Variants in SSBP3 observed in about 807,000 individuals in gnomAD.
The protein encoded by SSBP3 is single stranded DNA binding protein 3.
SSBP3 carries 5 observed loss-of-function variants against 69.6 expected under a neutral mutation model. The ratio of observed to expected loss-of-function variants is 0.07; its 90% confidence interval spans 0.04 to 0.15. The LOEUF is 0.15. Among genes scored for constraint, SSBP3 ranks in the 10% least tolerant of loss-of-function variants. The pLI is 1.00. For synonymous variants in SSBP3, 196 were observed against 193.4 expected (o/e 1.01, Z -0.11); for missense variants, 312 against 534.0 (o/e 0.58, Z 4.10).
intron 4 of SSBP3, among the ~76,000 whole-genome samples, chr1:54,320,440 C>G (rs1292339145): frequency 6.6e-6 from 1 of 152,110 alleles, no homozygotes; most frequent in African/African-American, 2.4e-5. Context: ...CCCTCAGCCT[C>G]CCGAGTAGAT....
intron 14 of SSBP3, 165 bp downstream of exon 14, chr1:54,238,964 G>A: frequency 5.3e-6 from 2 of 379,386 alleles, no homozygotes; most frequent in South Asian, 4.2e-5. Context: ...CCCATGAAAT[G>A]GGAACTGAGT....
chr1:54,243,821 T>G (rs1570241655), intron 9 of SSBP3, among the ~76,000 whole-genome samples: 1 of 152,340 alleles, frequency 6.6e-6, no homozygotes, highest in East Asian at 1.9e-4. Context: ...GTGGTAGTCC[T>G]ACCCCACCCA....
Position 54,257,940 on chromosome 1 carries a change from T to A in SSBP3, c.447+129A>T. The A allele has an allele frequency of 9.4e-6, 8 of 849,654 alleles. No individual in the cohort carries two copies. In the South Asian group the frequency reaches 9.7e-5, roughly 10 times the overall value. The allele number at this position is 849,654 out of a possible 1,614,324, so 52.6% of individuals were successfully genotyped here. A position where few individuals can be genotyped will look rare whatever the true frequency, so the allele number is the denominator to read the frequency against. ...TAGAAAAAAGAAATTTCTAAAAAAATTTAATTTGTCAATAAAGACTCGCAG... is the reference window on the plus strand; with the variant it reads ...TAGAAAAAAGAAATTTCTAAAAAAAATTAATTTGTCAATAAAGACTCGCAG... On this transcript the variant is annotated intron_variant, in intron 6 of 17. Coordinates refer to ENST00000610401, the Ensembl canonical transcript of SSBP3.
rs369594928 is a variant in SSBP3, at chr1:54,377,980, CGT to C, written c.276+23879_276+23880del. Reference sequence around the variant, plus strand: ...AAAATACTTCCAGCAATAATGAAGCCGTGCCGATTCACCACAATTCTGCTCGG... The same window carrying C: ...AAAATACTTCCAGCAATAATGAAGCCGCCGATTCACCACAATTCTGCTCGG... On this transcript the variant is annotated intron_variant, in intron 4 of 17. Coordinates refer to ENST00000610401, the Ensembl canonical transcript of SSBP3. 1.7e-4 allele frequency among the ~76,000 whole-genome samples: 26 copies of C among 152,090 alleles called. No homozygotes were observed. In the East Asian group the frequency reaches 5.0e-3, roughly 29 times the overall value.
chr1:54,353,288 G>T (rs1320249184), intron 4 of SSBP3, among the ~76,000 whole-genome samples: 1 of 152,170 alleles, frequency 6.6e-6, no homozygotes, highest in African/African-American at 2.4e-5. Flanking sequence ...GGCCCATTGC[G>T]AGGGGAAAAA....
chr1:54,353,971 T>G lies in SSBP3; in HGVS notation c.276+47890A>C, dbSNP rs1161246550. ...GCACAGAGGGGACTGACTCCCCAAATCATACAGGGACTAGAAACCGAACTG... is the reference window on the plus strand; with the variant it reads ...GCACAGAGGGGACTGACTCCCCAAAGCATACAGGGACTAGAAACCGAACTG... On this transcript the variant is annotated intron_variant, in intron 4 of 17. Transcript: ENST00000610401. Among the ~76,000 whole-genome samples the G allele has an allele frequency of 2.6e-5, 4 of 152,022 alleles. No individual in the cohort carries two copies. The East Asian group carries it at 7.7e-4, about 29-fold the overall frequency.
chr1:54,354,571 T>G lies in SSBP3; in HGVS notation c.276+47290A>C, dbSNP rs969031521. Among the ~76,000 whole-genome samples, 4 of 152,082 alleles carry G rather than the reference T, an allele frequency of 2.6e-5. No individual in the cohort carries two copies. The East Asian group carries it at 7.7e-4, about 29-fold the overall frequency. ...GGAGCAAGGAACTTCCACAAAGACC[T>G]GCTGGGCCTCTAACACACAGACCTC... On this transcript the variant is annotated intron_variant, in intron 4 of 17. Transcript: ENST00000610401.
chr1:54,250,644 C>T (rs982839737), intron 9 of SSBP3, among the ~76,000 whole-genome samples: 1 of 152,178 alleles, frequency 6.6e-6, no homozygotes, highest in African/African-American at 2.4e-5. Context: ...GTGCAGCAGA[C>T]TCCAGGCAGA....
intron 5 of SSBP3, among the ~76,000 whole-genome samples, chr1:54,263,266 G>A (rs1443502209): frequency 6.6e-6 from 1 of 152,228 alleles, no homozygotes; most frequent in Non-Finnish European, 1.5e-5. Context: ...AGCATCAGCA[G>A]GACCCCCAGC....
At position 54,238,128 on chromosome 1, in the gene SSBP3, C is replaced by T. The variant is rs41294794; in HGVS notation, c.927+1001G>A. On this transcript the variant is annotated intron_variant, in intron 14 of 17. Coordinates refer to ENST00000610401, the Ensembl canonical transcript of SSBP3. ...GTCACACCAGTGAGGACCCTGGCAACGGAGGCAGGCCAGAAACCATCCCTC... is the reference window on the plus strand; with the variant it reads ...GTCACACCAGTGAGGACCCTGGCAATGGAGGCAGGCCAGAAACCATCCCTC... 8.6e-3 allele frequency: 4,066 copies of T among 470,546 alleles called. 42 individuals carry two copies. Among genetic ancestry groups the T allele is most frequent in the African/African-American group, 0.031 (1,556 of 50,168 alleles). 29.1% of individuals were successfully genotyped at this position (470,546 alleles called of 1,614,324 possible).
At chr1:54,309,963 T>A (rs574537273) in intron 4 of SSBP3, among the ~76,000 whole-genome samples, 122 of 152,070 alleles carry the variant, frequency 8.0e-4, no homozygotes, top group Non-Finnish European at 1.5e-3. Flanking sequence ...AGCACAAATC[T>A]CAAAACAAAA....
At chr1:54,240,421 G>A (rs1557449735) in intron 13 of SSBP3, among the ~76,000 whole-genome samples, 1 of 134,732 alleles carries the variant, frequency 7.4e-6, no homozygotes, top group Admixed American at 8.6e-5. Context: ...TTACGCCATT[G>A]CACTCCAGCC....
chr1:54,336,508 T>C (rs1453207444), intron 4 of SSBP3, among the ~76,000 whole-genome samples: 1 of 151,500 alleles, frequency 6.6e-6, no homozygotes, highest in African/African-American at 2.4e-5. Flanking sequence ...GTCCAGAGCC[T>C]CCCAAGCCCA....
chr1:54,402,918 A>T (rs541522129), intron 3 of SSBP3, among the ~76,000 whole-genome samples: 21 of 152,342 alleles, frequency 1.4e-4, no homozygotes, highest in African/African-American at 5.1e-4. Flanking sequence ...CTTAAAGGGT[A>T]AAGTGGGCAC....
At chr1:54,412,258 G>A (rs1324424338) in intron 1 of SSBP3, among the ~76,000 whole-genome samples, 2 of 152,208 alleles carry the variant, frequency 1.3e-5, no homozygotes, top group South Asian at 4.1e-4. Flanking sequence ...GAACCCAGGA[G>A]GTGGAGATTG....
At chr1:54,384,747 TTA>T (rs1647954202) in intron 4 of SSBP3, among the ~76,000 whole-genome samples, 1 of 152,232 alleles carries the variant, frequency 6.6e-6, no homozygotes, top group Admixed American at 6.5e-5. Context: ...AGATGTCTTT[TTA>T]ATGTTAGGTC....
intron 1 of SSBP3, 29 bp downstream of exon 1, chr1:54,405,898 CCGCCCGCCCGCAGCCCGGCGGCGGCG>C: frequency 1.0e-6 from 1 of 971,288 alleles, no homozygotes; most frequent in Non-Finnish European, 1.3e-6. Context: ...CTCCCACCGC[CCGCCCGCCCGCAGCCCGGCGGCGGCG>C]CGGCCGCCAC....
intron 4 of SSBP3, among the ~76,000 whole-genome samples, chr1:54,392,597 A>T (rs943729031): frequency 3.3e-5 from 5 of 152,232 alleles, no homozygotes; most frequent in Non-Finnish European, 1.5e-5. Flanking sequence ...CACAGTTTAC[A>T]AACAGTGCTT....
chr1:54,272,163 A>G lies in SSBP3; in HGVS notation c.366+9275T>C, dbSNP rs75736029. Among the ~76,000 whole-genome samples, 842 of 152,312 alleles carry G rather than the reference A, an allele frequency of 5.5e-3. 16 individuals are homozygous for G. Among genetic ancestry groups the G allele is most frequent in the East Asian group, 0.026 (133 of 5,180 alleles). On this transcript the variant is annotated intron_variant, in intron 5 of 17. Coordinates refer to ENST00000610401, the Ensembl canonical transcript of SSBP3. The stretch of plus-strand genomic sequence containing the variant: ...TTCTAAGGCCCTCTTTGGGAGAGGA[A>G]GTGTTTCAGGGAGAGGTTGCCTGGG...
Sources: gnomAD v4.1 joint callset for allele counts (sites outside exome capture counted in the v4.1 genomes callset) on GRCh38, gnomAD v4.1.1 for gene constraint, MANE v1.5 for transcripts, NCBI Gene and HGNC (gene_info 2026-07-23, HGNC 2026-07-21) for gene names.